SGCD: variants seen among roughly 807,000 people sequenced by gnomAD.
SGCD encodes sarcoglycan delta, also known as delta-sarcoglycan.
Under a neutral mutation model 36.6 loss-of-function variants are expected in SGCD, and 18 were observed. The ratio of observed to expected loss-of-function variants is 0.49; its 90% CI spans 0.34 to 0.73. The LOEUF is 0.73. Among genes scored for constraint, SGCD ranks in the 30% least tolerant of loss-of-function variants. The pLI is 0.01. For synonymous variants in SGCD, 133 were observed against 130.6 expected, an observed-to-expected ratio of 1.02 and a Z score of -0.12; for missense variants, 387 against 346.7, an observed-to-expected ratio of 1.12 and a Z score of -0.92.
chr5:156,639,150 ATATGTG>A (rs1225525239), intron 6 of SGCD, among the ~76,000 whole-genome samples: 1 of 151,862 alleles, frequency 6.6e-6, no homozygotes, highest in Admixed American at 6.6e-5. Context: ...ACATATGTGT[ATATGTG>A]TATGTGTATA....
At chr5:156,050,719 T>C (rs1415796246) in intron 1 of SGCD, among the ~76,000 whole-genome samples, 1 of 146,836 alleles carries the variant, frequency 6.8e-6, no homozygotes, top group Non-Finnish European at 1.5e-5. Flanking sequence ...CAGGGCTGCA[T>C]TTCTTCTTGA....
At chr5:156,468,689 G>A (rs1754820908) in intron 3 of SGCD, among the ~76,000 whole-genome samples, 1 of 152,024 alleles carries the variant, frequency 6.6e-6, no homozygotes, top group Non-Finnish European at 1.5e-5. Context: ...AGACTGTTGG[G>A]GATATTAAAT....
At chr5:155,840,433 TTA>T in the SGCD span, among the ~76,000 whole-genome samples, 2 of 145,124 alleles carry the variant, frequency 1.4e-5, no homozygotes, top group Admixed American at 1.4e-4. Flanking sequence ...TTTTGTATTT[TTA>T]GTATTTTTGT....
intron 3 of SGCD, among the ~76,000 whole-genome samples, chr5:156,450,935 G>T (rs1362633171): frequency 6.6e-6 from 1 of 152,138 alleles, no homozygotes; most frequent in East Asian, 1.9e-4. Context: ...TGAATAAAAT[G>T]TATGCAGACT....
At position 156,132,156 on chromosome 5, in the gene SGCD, A is replaced by G. The variant is rs565665772; in HGVS notation, c.-44+8137A>G. On this transcript the variant is annotated intron_variant, in intron 3 of 9. Transcript: ENST00000517913. The stretch of plus-strand genomic sequence containing the variant: ...TGGGTAGGTTTTGTTATTGTTTCTC[A>G]TAGTCATCACTGAGGGTGGGGAGAT... 5.9e-5 allele frequency among the ~76,000 whole-genome samples: 9 copies of G among 152,268 alleles called. No homozygotes were observed. The East Asian group carries it at 1.7e-3, about 29-fold the overall frequency.
chr5:155,781,317 C>T, the SGCD span, among the ~76,000 whole-genome samples: 20 of 152,280 alleles, frequency 1.3e-4, no homozygotes, highest in Non-Finnish European at 2.6e-4. Flanking sequence ...TCACACCTCA[C>T]AAACCCTTGC....
At chr5:155,946,295 T>C (rs1378443255) in intron 1 of SGCD, among the ~76,000 whole-genome samples, 1 of 152,194 alleles carries the variant, frequency 6.6e-6, no homozygotes, top group Non-Finnish European at 1.5e-5. Context: ...AACATTTTTC[T>C]CATATTATAG....
At chr5:155,993,570 C>T (rs1404492316) in intron 1 of SGCD, among the ~76,000 whole-genome samples, 1 of 152,118 alleles carries the variant, frequency 6.6e-6, no homozygotes, top group Non-Finnish European at 1.5e-5. Context: ...GTCTCGAACT[C>T]CTGGCCTCAA....
intron 1 of SGCD, among the ~76,000 whole-genome samples, chr5:156,071,327 T>C (rs561194698): frequency 6.6e-6 from 1 of 152,254 alleles, no homozygotes; most frequent in Non-Finnish European, 1.5e-5. Flanking sequence ...TCTGGTATGT[T>C]GTATCTTTGT....
intron 7 of SGCD, among the ~76,000 whole-genome samples, chr5:156,728,537 G>T (rs796513711): frequency 2.1e-4 from 12 of 56,998 alleles, no homozygotes; most frequent in Non-Finnish European, 4.2e-5. Flanking sequence ...AAAAAAAAAA[G>T]GTAGAGTCAC....
At chr5:156,343,996 C>T (rs1253024300) in intron 2 of SGCD, among the ~76,000 whole-genome samples, 1 of 152,156 alleles carries the variant, frequency 6.6e-6, no homozygotes, top group African/African-American at 2.4e-5. Flanking sequence ...GTCAAAGCTG[C>T]CACGGTTGCC....
chr5:155,823,786 C>T, the SGCD span, among the ~76,000 whole-genome samples: 1 of 152,162 alleles, frequency 6.6e-6, no homozygotes, highest in Non-Finnish European at 1.5e-5. Context: ...CAAAGCATTG[C>T]CTGGCTCTTT....
chr5:155,997,152 G>A (rs566884117), intron 1 of SGCD, among the ~76,000 whole-genome samples: 1 of 152,308 alleles, frequency 6.6e-6, no homozygotes, highest in African/African-American at 2.4e-5. Flanking sequence ...CCATTATTTT[G>A]TGGTGACTAT....
At chr5:156,408,357 G>T (rs1772537584) in intron 3 of SGCD, among the ~76,000 whole-genome samples, 1 of 145,854 alleles carries the variant, frequency 6.9e-6, no homozygotes, top group African/African-American at 2.6e-5. Flanking sequence ...ACCCAAGTTG[G>T]ATTTTTTTTT....
chr5:156,741,682 G>C (rs1173796271), intron 7 of SGCD, among the ~76,000 whole-genome samples: 3 of 152,284 alleles, frequency 2.0e-5, no homozygotes, highest in African/African-American at 7.2e-5. Flanking sequence ...TGGAACTCTG[G>C]TCAGGGCTTT....
At chr5:156,329,410 C>A (rs1767962496) in intron 1 of SGCD, 124 bp from the exon 2 acceptor site, 2 of 706,036 alleles carry the variant, frequency 2.8e-6, no homozygotes, top group Non-Finnish European at 5.0e-6. Flanking sequence ...GCCTGCCCTG[C>A]CTTCTGGAAG....
At chr5:155,777,335 G>A in the SGCD span, among the ~76,000 whole-genome samples, 1 of 148,626 alleles carries the variant, frequency 6.7e-6, no homozygotes, top group Non-Finnish European at 1.5e-5. Context: ...AACAATTGAA[G>A]GCTTTGGAAA....
At chr5:156,136,532 G>A (rs1186523529) in intron 3 of SGCD, among the ~76,000 whole-genome samples, 1 of 152,178 alleles carries the variant, frequency 6.6e-6, no homozygotes, top group East Asian at 1.9e-4. Context: ...TGCATCCATG[G>A]ATTAAAAGTT....
At chr5:156,492,450 G>T (rs764223097) in intron 3 of SGCD, among the ~76,000 whole-genome samples, 1 of 152,026 alleles carries the variant, frequency 6.6e-6, no homozygotes, top group African/African-American at 2.4e-5. Flanking sequence ...TCAATATTTC[G>T]ATTCCAGTCT....
Sources: gnomAD v4.1 joint callset for allele counts (sites outside exome capture counted in the v4.1 genomes callset) on GRCh38, gnomAD v4.1.1 for gene constraint, MANE v1.5 for transcripts, NCBI Gene and HGNC (gene_info 2026-07-23, HGNC 2026-07-21) for gene names.